The following SHANK2 variants were observed in gnomAD, a reference collection of about 807,000 sequenced individuals.
SHANK2 encodes SH3 and multiple ankyrin repeat domains 2, also known as SH3 and multiple ankyrin repeat domains protein 2.
A neutral mutation model predicts 133.7 loss-of-function variants in SHANK2; 43 were observed. The ratio of observed to expected loss-of-function variants is 0.32; its 90% CI spans 0.25 to 0.41. SHANK2 has a LOEUF of 0.41. SHANK2 is among the 10% of genes least tolerant of loss of function. SHANK2 has a pLI of 1.00. For synonymous variants in SHANK2, 1,017 were observed against 952.8 expected (o/e 1.07, Z -1.24); for missense variants, 1,994 against 2,235.8 (o/e 0.89, Z 2.18).
At chr11:70,670,011 G>T (rs1237197679) in intron 15 of SHANK2, among the ~76,000 whole-genome samples, 2 of 152,256 alleles carry the variant, frequency 1.3e-5, no homozygotes, top group Admixed American at 6.5e-5. Flanking sequence ...TCAGACCCAG[G>T]CGGGGACCGC....
At chr11:70,793,599 C>G (rs1358207578) in intron 14 of SHANK2, among the ~76,000 whole-genome samples, 1 of 152,048 alleles carries the variant, frequency 6.6e-6, no homozygotes, top group Non-Finnish European at 1.5e-5. Flanking sequence ...ATCATCATCC[C>G]CAGAAAAATG....
intron 1 of SHANK2, among the ~76,000 whole-genome samples, chr11:71,228,273 A>AC (rs546329580): frequency 1.3e-5 from 2 of 152,352 alleles, no homozygotes; most frequent in South Asian, 4.1e-4. Flanking sequence ...TTTAAACTCC[A>AC]GTTTTTTTGA....
intron 2 of SHANK2, among the ~76,000 whole-genome samples, chr11:71,171,045 C>T (rs1439198642): frequency 2.0e-5 from 3 of 152,192 alleles, no homozygotes; most frequent in Admixed American, 1.3e-4. Context: ...CTTCCTGGCT[C>T]GTAGACGGCC....
rs1303719040 is a variant in SHANK2, at chr11:71,147,288, G to A, written c.39C>T (p.Ala13=). The A allele has an allele frequency of 1.3e-6, 2 of 1,551,062 alleles. No individual in the cohort carries two copies. Among genetic ancestry groups the A allele is most frequent in the South Asian group, 2.4e-5 (2 of 84,052 alleles). Residue 13 remains alanine (A), a synonymous_variant, in exon 3 of 26, where the codon GCC becomes GCT. Transcript: ENST00000601538. The part of the protein sequence containing the change: ...RSPTSSEDEM[A]QSFSDYSVGS... ...CCACGGAGTAGTCGGAGAAGCTCTG[G>A]GCCATCTCGTCCTCGCTGGATGTTG...
chr11:70,558,459 G>A (rs1199366259), intron 17 of SHANK2, among the ~76,000 whole-genome samples: 1 of 152,224 alleles, frequency 6.6e-6, no homozygotes. Flanking sequence ...ACAGAGCTTC[G>A]GAGCTCAGGC....
At chr11:71,126,216 C>CAAAAAAAA (rs1170621448) in intron 3 of SHANK2, among the ~76,000 whole-genome samples, 1,412 of 64,388 alleles carry the variant, frequency 0.022, 239 homozygotes, top group Middle Eastern at 0.06. Flanking sequence ...GACTCCGTCT[C>CAAAAAAAA]AAAAAAAAAA....
rs1274997662 is a variant in SHANK2 at position 71,175,545 on chromosome 11, GGAGAGGGAGAGAGAGA to G, written c.-12-28223_-12-28208del. On this transcript the variant is annotated intron_variant, in intron 2 of 25. Transcript: ENST00000601538. This position sits in a 1 kb window ranked among gnomAD's most constrained non-coding sequence, Gnocchi z 4.2. ...GACAGACAGACAGACAGAGGGAGAG[GGAGAGGGAGAGAGAGA>G]GAGAGAGAGAGAGAGAGAGAGAGAG... Among the ~76,000 whole-genome samples the G allele has an allele frequency of 0.025, 1,949 of 79,288 alleles. 60 individuals carry two copies. Among genetic ancestry groups the G allele is most frequent in the East Asian group, 0.088 (258 of 2,932 alleles). The allele number at this position is 79,288 out of a possible 152,430, so 52.0% of individuals were successfully genotyped here.
At chr11:70,856,838 C>T (rs1555066881) in intron 11 of SHANK2, among the ~76,000 whole-genome samples, 2 of 152,132 alleles carry the variant, frequency 1.3e-5, no homozygotes, top group East Asian at 3.9e-4. Flanking sequence ...AATCTGTGCC[C>T]AGGACTCTTT....
chr11:71,103,870 C>T lies in SHANK2; in HGVS notation c.592+6071G>A, dbSNP rs565471376. On this transcript the variant is annotated intron_variant, in intron 6 of 25. Coordinates refer to ENST00000601538, the MANE Select transcript of SHANK2 (RefSeq NM_012309.5). ...CCTCCCCCCCTCCCCTTCTCCCTCT[C>T]CCCCCCTCTTTCTCTCTCTCTCTCC... Among the ~76,000 whole-genome samples, 449 of 125,398 alleles carry T rather than the reference C, an allele frequency of 3.6e-3. 2 individuals are homozygous for T. Among genetic ancestry groups the T allele is most frequent in the African/African-American group, 0.013 (423 of 33,628 alleles). 82.3% of individuals were successfully genotyped at this position (125,398 alleles called of 152,430 possible).
intron 1 of SHANK2, among the ~76,000 whole-genome samples, chr11:71,237,431 C>T (rs1171965310): frequency 2.0e-5 from 3 of 152,148 alleles, no homozygotes; most frequent in African/African-American, 2.4e-5. Flanking sequence ...CACGCAAGCA[C>T]GACATATTTA....
At chr11:71,206,038 C>T (rs1260822939) in intron 2 of SHANK2, among the ~76,000 whole-genome samples, 5 of 152,212 alleles carry the variant, frequency 3.3e-5, no homozygotes, top group East Asian at 1.9e-4. Context: ...TCTCCGTGTG[C>T]CCCGCGCCAG....
At chr11:71,200,040 T>G (rs1032733788) in intron 2 of SHANK2, among the ~76,000 whole-genome samples, 1 of 152,222 alleles carries the variant, frequency 6.6e-6, no homozygotes, top group African/African-American at 2.4e-5. Flanking sequence ...TATTTAATGG[T>G]TTTTAGCCAT....
At chr11:70,835,328 A>T (rs1948796171) in intron 11 of SHANK2, among the ~76,000 whole-genome samples, 1 of 152,212 alleles carries the variant, frequency 6.6e-6, no homozygotes, top group Non-Finnish European at 1.5e-5. Flanking sequence ...AATGAGGCTT[A>T]TGTGCTGAGA....
chr11:70,840,387 G>A (rs1948884829), intron 11 of SHANK2, among the ~76,000 whole-genome samples: 1 of 152,164 alleles, frequency 6.6e-6, no homozygotes, highest in Admixed American at 6.5e-5. Flanking sequence ...CAGCTCCCTG[G>A]AGCCTCAGTT....
intron 10 of SHANK2, among the ~76,000 whole-genome samples, chr11:70,903,177 G>A (rs1950047630): frequency 6.6e-6 from 1 of 151,994 alleles, no homozygotes; most frequent in South Asian, 2.1e-4. Context: ...AGGAGTTCGA[G>A]ACTAGCCTTC....
chr11:71,085,457 AAT>A lies in SHANK2; in HGVS notation c.912+6963_912+6964del, dbSNP rs1314983942. On this transcript the variant is annotated intron_variant, in intron 8 of 25. Transcript: ENST00000601538. Reference sequence around the variant, plus strand: ...GGCAACAGAGCAAGACTCCATCTTAAATATATATATATATATAATATATATGT... The same window carrying A: ...GGCAACAGAGCAAGACTCCATCTTAAATATATATATATATAATATATATGT... 3.9e-3 allele frequency among the ~76,000 whole-genome samples: 488 copies of A among 126,568 alleles called. 5 individuals are homozygous for A. The highest frequency in any genetic ancestry group is 0.014 in the African/African-American group (456 of 32,676). 83.0% of individuals were successfully genotyped at this position (126,568 alleles called of 152,430 possible).
intron 10 of SHANK2, chr11:70,943,211 G>C: frequency 2.5e-6 from 1 of 399,994 alleles, no homozygotes; most frequent in South Asian, 1.8e-5. Flanking sequence ...AAAGGGGTCT[G>C]TCTGTGTCTG....
At chr11:70,701,837 G>T (rs573842988) in intron 14 of SHANK2, among the ~76,000 whole-genome samples, 1 of 152,200 alleles carries the variant, frequency 6.6e-6, no homozygotes, top group African/African-American at 2.4e-5. Flanking sequence ...TAAGGGACAG[G>T]AAAGGGACCC....
intron 12 of SHANK2, among the ~76,000 whole-genome samples, chr11:70,817,272 A>G (rs1220861617): frequency 2.0e-5 from 3 of 152,202 alleles, no homozygotes; most frequent in Non-Finnish European, 4.4e-5. Context: ...AGGACCTCTC[A>G]GCTCATCAGT....
Sources: gnomAD v4.1 joint callset for allele counts (sites outside exome capture counted in the v4.1 genomes callset) on GRCh38, gnomAD v4.1.1 for gene constraint, Gnocchi (gnomAD v3.1) non-coding constraint, MANE v1.5 for transcripts, NCBI Gene and HGNC (gene_info 2026-07-23, HGNC 2026-07-21) for gene names.